The following RBM33 variants were observed in gnomAD, a reference collection of about 807,000 sequenced individuals.
RBM33 encodes RNA-binding protein 33.
In RBM33, 28 loss-of-function variants were observed where a neutral mutation model predicts 132.6. The observed-to-expected ratio is 0.21, with a 90% CI of 0.16 to 0.29. The LOEUF is 0.29. Ranked by LOEUF, RBM33 falls within the 10% of genes least tolerant of loss-of-function variation. The probability of loss-of-function intolerance (pLI) is 1.00; values close to 1 mark genes in which losing one functional copy is unlikely to be tolerated. For missense variants in RBM33, 1,291 were observed against 1,518.5 expected (o/e 0.85, Z 2.49); for synonymous variants, 634 against 593.0 (o/e 1.07, Z -1.01).
At chr7:155,748,993 T>C (rs2117043023) in intron 14 of RBM33, among the ~76,000 whole-genome samples, 1 of 152,132 alleles carries the variant, frequency 6.6e-6, no homozygotes, top group South Asian at 2.1e-4. Context: ...ATTGGAGCCT[T>C]TCTCTAGGAC....
chr7:155,759,815 C>G (rs1365385407), intron 14 of RBM33, among the ~76,000 whole-genome samples: 1 of 152,110 alleles, frequency 6.6e-6, no homozygotes, highest in Non-Finnish European at 1.5e-5. Flanking sequence ...TTAAAGTTTC[C>G]TCTCTAGACC....
chr7:155,764,818 G>A (rs1172798570), intron 15 of RBM33, among the ~76,000 whole-genome samples: 4 of 152,210 alleles, frequency 2.6e-5, no homozygotes, highest in African/African-American at 9.7e-5. Flanking sequence ...TCGTCATCTC[G>A]TCACTTTAGA....
chr7:155,726,222 A>G (rs185967897), intron 9 of RBM33, among the ~76,000 whole-genome samples: 29 of 152,346 alleles, frequency 1.9e-4, no homozygotes, highest in Non-Finnish European at 7.4e-5. Flanking sequence ...TTGTTAAGGT[A>G]TTTAATTAGT....
chr7:155,718,846 A>G (rs1369539767), intron 9 of RBM33, among the ~76,000 whole-genome samples: 1 of 152,078 alleles, frequency 6.6e-6, no homozygotes, highest in African/African-American at 2.4e-5. Flanking sequence ...AAAATGAGAG[A>G]TCTCTTGTAT....
At chr7:155,659,763 T>C (rs1472736034) in intron 1 of RBM33, among the ~76,000 whole-genome samples, 2 of 152,170 alleles carry the variant, frequency 1.3e-5, no homozygotes, top group Non-Finnish European at 2.9e-5. Context: ...ACTGGATATA[T>C]TAAAACAACA....
intron 2 of RBM33, among the ~76,000 whole-genome samples, chr7:155,672,175 A>C (rs1270423192): frequency 6.6e-6 from 1 of 151,952 alleles, no homozygotes; most frequent in Non-Finnish European, 1.5e-5. Flanking sequence ...TTATCTTCCT[A>C]ATCAATTATA....
chr7:155,742,183 T>C, intron 13 of RBM33, 77 bp downstream of exon 13: 1 of 1,325,266 alleles, frequency 7.5e-7, no homozygotes, highest in Non-Finnish European at 1.0e-6. Flanking sequence ...CTTAGTTCAC[T>C]CTCACTAAGT....
At position 155,774,938 on chromosome 7, in the gene RBM33, A is replaced by G; in HGVS notation, c.3465-55A>G. On this transcript the variant is annotated intron_variant, in intron 17 of 17. Coordinates refer to ENST00000401878, the MANE Select transcript of RBM33 (RefSeq NM_053043.3). The surrounding 1 kb of genome is among the most constrained non-coding windows in gnomAD (Gnocchi z 4.2). Reference sequence around the variant, plus strand: ...TCTTTTAGTTTCCTCCCACCTTGGTAGGTTGATTGCCGATGTGCAGGGTTA... The same window carrying G: ...TCTTTTAGTTTCCTCCCACCTTGGTGGGTTGATTGCCGATGTGCAGGGTTA... 2 of 1,533,416 alleles carry G rather than the reference A, an allele frequency of 1.3e-6. No individual in the cohort carries two copies. Among genetic ancestry groups the G allele is most frequent in the Non-Finnish European group, 1.8e-6 (2 of 1,106,912 alleles). The allele number at this position is 1,533,416 out of a possible 1,614,324, so 95.0% of individuals were successfully genotyped here. A position where few individuals can be genotyped will look rare whatever the true frequency, so the allele number is the denominator to read the frequency against.
intron 9 of RBM33, among the ~76,000 whole-genome samples, chr7:155,736,033 G>A (rs999949600): frequency 1.3e-5 from 2 of 152,138 alleles, no homozygotes. Flanking sequence ...AGTGCCTAAA[G>A]TTTATGTTTT....
At chr7:155,661,707 C>T (rs1168018109) in intron 1 of RBM33, among the ~76,000 whole-genome samples, 1 of 152,142 alleles carries the variant, frequency 6.6e-6, no homozygotes, top group Non-Finnish European at 1.5e-5. Context: ...TGCACCTGGC[C>T]TGTTTATTCA....
At chr7:155,773,593 AAAG>A (rs1267641051) in intron 16 of RBM33, among the ~76,000 whole-genome samples, 7 of 147,622 alleles carry the variant, frequency 4.7e-5, no homozygotes, top group Admixed American at 1.3e-4. Context: ...AAAAAAAAAA[AAAG>A]GAGTCAGGGG....
At chr7:155,681,099 C>G (rs1436177806) in intron 5 of RBM33, among the ~76,000 whole-genome samples, 191 bp downstream of exon 5, 2 of 152,174 alleles carry the variant, frequency 1.3e-5, no homozygotes, top group African/African-American at 4.8e-5. Flanking sequence ...AGAGGTAATG[C>G]TCCTTTGTCA....
rs191407322 is a variant in RBM33 at position 155,744,397 on chromosome 7, A to G, written c.2338-564A>G. 8.5e-5 allele frequency among the ~76,000 whole-genome samples: 13 copies of G among 152,356 alleles called. No homozygotes were observed. In the East Asian group the frequency reaches 1.2e-3, roughly 14 times the overall value. On this transcript the variant is annotated intron_variant, in intron 13 of 17. Coordinates refer to ENST00000401878, the MANE Select transcript of RBM33 (RefSeq NM_053043.3). ...TTCCTTATATACCATTAATATTCCA[A>G]TACTGCAATCGGCAACATTTTGATT...
chr7:155,666,643 A>G (rs1184490608), intron 2 of RBM33, among the ~76,000 whole-genome samples: 1 of 152,200 alleles, frequency 6.6e-6, no homozygotes, highest in East Asian at 1.9e-4. Flanking sequence ...TAAAATATTA[A>G]GTGGGTCTTT....
At position 155,678,613 on chromosome 7, in the gene RBM33, G is replaced by A; in HGVS notation, c.177G>A (p.Gln59=). ...GEDLLSGKKN[Q]SDLSDEELND... is the part of the protein sequence containing the mutation. ...ATATTTCTTATTTTAATTAGAATCA[G>A]TCGGATTTGTCAGATGAAGAGCTAA... Residue 59 remains glutamine, a synonymous_variant, in exon 4 of 18, where the codon CAG becomes CAA. Coordinates refer to ENST00000401878, the MANE Select transcript of RBM33 (RefSeq NM_053043.3). 1.3e-6 allele frequency: 2 copies of A among 1,554,162 alleles called. No homozygotes were observed. Among genetic ancestry groups the A allele is most frequent in the Non-Finnish European group, 1.8e-6 (2 of 1,141,392 alleles).
intron 5 of RBM33, among the ~76,000 whole-genome samples, chr7:155,699,958 T>C (rs1158683141): frequency 6.6e-6 from 1 of 152,202 alleles, no homozygotes; most frequent in African/African-American, 2.4e-5. Flanking sequence ...TAGGTACTTA[T>C]TTTATGTCTA....
intron 14 of RBM33, among the ~76,000 whole-genome samples, chr7:155,759,066 CTT>C (rs1801943359): frequency 6.6e-6 from 1 of 152,208 alleles, no homozygotes; most frequent in Non-Finnish European, 1.5e-5. Context: ...TTATTCCTGT[CTT>C]TTCAGGCCAT....
chr7:155,665,123 A>T, intron 1 of RBM33, 52 bp from the exon 2 acceptor site: 2 of 1,481,054 alleles, frequency 1.4e-6, no homozygotes, highest in Non-Finnish European at 1.9e-6. Context: ...AATTATTTGC[A>T]TTGTGTCTAT....
chr7:155,710,259 A>T (rs577209383), intron 7 of RBM33, among the ~76,000 whole-genome samples: 2 of 152,284 alleles, frequency 1.3e-5, no homozygotes, highest in East Asian at 3.9e-4. Flanking sequence ...TTAAAAGCAA[A>T]ACCTGTGGAA....
Sources: gnomAD v4.1 joint callset for allele counts (sites outside exome capture counted in the v4.1 genomes callset) on GRCh38, gnomAD v4.1.1 for gene constraint, Gnocchi (gnomAD v3.1) non-coding constraint, MANE v1.5 for transcripts, NCBI Gene and HGNC (gene_info 2026-07-23, HGNC 2026-07-21) for gene names.